The following NTRK2 variants were observed in gnomAD, a reference collection of about 807,000 sequenced individuals.
NTRK2 encodes the protein BDNF/NT-3 growth factors receptor.
A neutral mutation model predicts 94.5 loss-of-function variants in NTRK2; 13 were observed. The ratio of observed to expected loss-of-function variants is 0.14; its 90% CI spans 0.09 to 0.22. The LOEUF is 0.22. Among genes scored for constraint, NTRK2 ranks in the 10% least tolerant of loss-of-function variants. The probability of loss-of-function intolerance (pLI) is 1.00; values close to 1 mark genes in which losing one functional copy is unlikely to be tolerated. For missense variants in NTRK2, 639 were observed against 1,071.2 expected, an observed-to-expected ratio of 0.60 and a Z score of 5.63; for synonymous variants, 372 against 407.4, an observed-to-expected ratio of 0.91 and a Z score of 1.05.
chr9:84,955,636 C>T (rs1824017530), intron 17 of NTRK2, 119 bp downstream of exon 17: 6 of 852,564 alleles, frequency 7.0e-6, no homozygotes, highest in Non-Finnish European at 1.2e-5. Flanking sequence ...AAACGACAGA[C>T]ATGTGTTTCT....
chr9:84,826,964 G>A (rs972872870), intron 12 of NTRK2, among the ~76,000 whole-genome samples: 6 of 152,196 alleles, frequency 3.9e-5, no homozygotes, highest in Admixed American at 1.3e-4. Flanking sequence ...TGTTCCAAGC[G>A]AAAGAAGGGG....
intron 2 of NTRK2, among the ~76,000 whole-genome samples, chr9:84,675,562 T>G (rs1487987375): frequency 1.3e-5 from 2 of 152,020 alleles, no homozygotes; most frequent in African/African-American, 4.8e-5. Context: ...CAATGCCAAT[T>G]TTTAGTTGCT....
rs1832905837 is a variant in NTRK2, at chr9:85,023,828, C to G, written c.*2391C>G. 7 of 229,146 alleles carry G rather than the reference C, an allele frequency of 3.1e-5. No individual in the cohort carries two copies. The East Asian group carries it at 4.4e-4, about 14-fold the overall frequency. The allele number at this position is 229,146 out of a possible 1,614,324, so 14.2% of individuals were successfully genotyped here. On this transcript the variant is annotated 3_prime_UTR_variant, in exon 19 of 19. Coordinates refer to ENST00000277120, the MANE Select transcript of NTRK2 (RefSeq NM_006180.6). Reference sequence around the variant, plus strand: ...TTTGTCACGCTGCATGTCTGGCCAGCTAATCTCGGGGGAAAAGCTACAAGT... The same window carrying G: ...TTTGTCACGCTGCATGTCTGGCCAGGTAATCTCGGGGGAAAAGCTACAAGT...
intron 1 of NTRK2, among the ~76,000 whole-genome samples, chr9:84,670,092 G>T (rs893394935): frequency 6.6e-6 from 1 of 152,032 alleles, no homozygotes; most frequent in Non-Finnish European, 1.5e-5. Flanking sequence ...CCCTTTAAAG[G>T]GTCCTTCGCC....
At chr9:84,858,359 T>C (rs2075167576) in intron 12 of NTRK2, among the ~76,000 whole-genome samples, 1 of 152,156 alleles carries the variant, frequency 6.6e-6, no homozygotes, top group Non-Finnish European at 1.5e-5. Flanking sequence ...GTTGTTTTTT[T>C]GCCTAACTGT....
chr9:85,020,452 C>T (rs1832683795), intron 18 of NTRK2, 88 bp downstream of exon 18: 1 of 1,350,812 alleles, frequency 7.4e-7, no homozygotes, highest in Non-Finnish European at 1.1e-6. Context: ...GTTGGAAGAC[C>T]ATGTCAGGAC....
chr9:84,741,829 G>C, intron 9 of NTRK2, 63 bp from the exon 10 acceptor site: 1 of 1,393,722 alleles, frequency 7.2e-7, no homozygotes, highest in African/African-American at 1.4e-5. Flanking sequence ...AGTTGACATA[G>C]GTTAGTAATT....
intron 14 of NTRK2, among the ~76,000 whole-genome samples, chr9:84,907,716 C>G (rs922673174): frequency 1.4e-5 from 2 of 143,518 alleles, no homozygotes; most frequent in Admixed American, 1.4e-4. Context: ...GAGTAACACT[C>G]TTTGCTTTTC....
intron 17 of NTRK2, among the ~76,000 whole-genome samples, chr9:84,980,851 A>G (rs2133225303): frequency 1.3e-5 from 2 of 152,320 alleles, no homozygotes; most frequent in South Asian, 4.1e-4. Flanking sequence ...GTAAATGCAT[A>G]AACTGGGGAA....
At position 84,995,035 on chromosome 9, in the gene NTRK2, A is replaced by G. The variant is rs188612974; in HGVS notation, c.2173-25171A>G. The stretch of plus-strand genomic sequence containing the variant: ...TGGTCAGGACTTAGAGGTAAACCTT[A>G]GACCATTTTAAAAAGAGCAAAGAGA... On this transcript the variant is annotated intron_variant, in intron 17 of 18. Coordinates refer to ENST00000277120, the MANE Select transcript of NTRK2 (RefSeq NM_006180.6). Among the ~76,000 whole-genome samples, 603 of 152,350 alleles carry G rather than the reference A, an allele frequency of 4.0e-3. 3 individuals are homozygous for G. The highest frequency in any genetic ancestry group is 5.0e-3 in the Non-Finnish European group (340 of 68,028).
intron 12 of NTRK2, among the ~76,000 whole-genome samples, chr9:84,802,220 A>G (rs993441499): frequency 9.2e-5 from 14 of 152,228 alleles, no homozygotes; most frequent in Non-Finnish European, 2.1e-4. Flanking sequence ...CATGGTCACC[A>G]TAATTTCTAA....
intron 12 of NTRK2, among the ~76,000 whole-genome samples, chr9:84,845,250 T>TATAC (rs374265197): frequency 9.5e-4 from 141 of 148,008 alleles, no homozygotes; most frequent in African/African-American, 3.2e-3. Flanking sequence ...ATGTGGTGTA[T>TATAC]ACACACACAC....
chr9:84,968,962 A>C (rs758500594), intron 17 of NTRK2, among the ~76,000 whole-genome samples: 3 of 152,300 alleles, frequency 2.0e-5, no homozygotes, highest in Admixed American at 1.3e-4. Flanking sequence ...CATGGGCCCA[A>C]GATGTTGCTG....
At chr9:84,672,092 C>T (rs774104394) in intron 2 of NTRK2, among the ~76,000 whole-genome samples, 10 of 152,278 alleles carry the variant, frequency 6.6e-5, no homozygotes, top group Non-Finnish European at 1.2e-4. Context: ...TTGTCGAGTG[C>T]GCATGCATTT....
chr9:84,759,558 C>T (rs1406936273), intron 12 of NTRK2, among the ~76,000 whole-genome samples: 2 of 152,192 alleles, frequency 1.3e-5, no homozygotes, highest in Non-Finnish European at 2.9e-5. Context: ...AGTATTTTCA[C>T]TAAAGGTGAA....
intron 2 of NTRK2, among the ~76,000 whole-genome samples, chr9:84,701,627 C>G (rs1408056581): frequency 6.6e-6 from 1 of 151,954 alleles, no homozygotes; most frequent in South Asian, 2.1e-4. Context: ...CTGTTACTGA[C>G]AAAGGCAGAA....
intron 12 of NTRK2, among the ~76,000 whole-genome samples, chr9:84,818,741 A>G (rs1305197706): frequency 6.6e-6 from 1 of 151,898 alleles, no homozygotes. Flanking sequence ...AGTAGTCCCT[A>G]CTCTCTGGTG....
chr9:84,751,308 G>C lies in NTRK2; in HGVS notation c.1297-678G>C, dbSNP rs113814555. 8.1e-3 allele frequency among the ~76,000 whole-genome samples: 1,236 copies of C among 152,284 alleles called. 20 individuals carry two copies. The highest frequency in any genetic ancestry group is 0.044 in the East Asian group (225 of 5,170). On this transcript the variant is annotated intron_variant, in intron 11 of 18. Coordinates refer to ENST00000277120, the MANE Select transcript of NTRK2 (RefSeq NM_006180.6). Reference sequence around the variant, plus strand: ...CTTCAAGAATTATCGGGCTGGATGCGGTGGCTCATGCCTATATTCCCAGAA... The same window carrying C: ...CTTCAAGAATTATCGGGCTGGATGCCGTGGCTCATGCCTATATTCCCAGAA...
intron 12 of NTRK2, among the ~76,000 whole-genome samples, chr9:84,856,548 C>T (rs1482694641): frequency 1.3e-5 from 2 of 152,156 alleles, no homozygotes; most frequent in Admixed American, 6.5e-5. Context: ...ATTGGCTACT[C>T]AGGCAAGCAC....
Sources: allele counts gnomAD v4.1 joint callset (sites outside exome capture counted in the v4.1 genomes callset), GRCh38; gene constraint gnomAD v4.1.1; transcripts MANE v1.5; gene names NCBI Gene and HGNC (gene_info 2026-07-23, HGNC 2026-07-21).